SPATA16: variants seen among roughly 807,000 people sequenced by gnomAD.
The protein encoded by SPATA16 is spermatogenesis-associated protein 16.
SPATA16 carries 36 observed loss-of-function variants against 63.3 expected under a neutral mutation model. That is an observed-to-expected ratio of 0.57 (90% CI 0.44 to 0.75). The LOEUF (loss-of-function observed/expected upper bound fraction) is 0.75, where lower values mean the gene tolerates loss of function less well. Among genes scored for constraint, SPATA16 ranks in the 30% least tolerant of loss-of-function variants. The pLI, the probability that SPATA16 is intolerant of heterozygous loss-of-function variation, is 0.00. For synonymous variants in SPATA16, 203 were observed against 216.7 expected (o/e 0.94, Z 0.56); for missense variants, 646 against 679.3 (o/e 0.95, Z 0.54).
At chr3:172,940,922 G>T (rs2109601743) in intron 6 of SPATA16, among the ~76,000 whole-genome samples, 1 of 152,286 alleles carries the variant, frequency 6.6e-6, no homozygotes, top group East Asian at 1.9e-4. Context: ...GGCGGAGGTT[G>T]CAGTGAGCCG....
At chr3:172,903,867 CAA>C (rs1732178988) in intron 10 of SPATA16, among the ~76,000 whole-genome samples, 1 of 152,172 alleles carries the variant, frequency 6.6e-6, no homozygotes, top group Non-Finnish European at 1.5e-5. Context: ...TAGTGACAGA[CAA>C]AGGATTCCCT....
intron 4 of SPATA16, among the ~76,000 whole-genome samples, chr3:173,003,945 G>A (rs1199927405): frequency 6.6e-6 from 1 of 152,176 alleles, no homozygotes; most frequent in Non-Finnish European, 1.5e-5. Context: ...GAAATTGAAA[G>A]TCAAAGAGCT....
At chr3:173,076,801 C>A (rs1008864614) in intron 2 of SPATA16, among the ~76,000 whole-genome samples, 3 of 152,012 alleles carry the variant, frequency 2.0e-5, no homozygotes, top group African/African-American at 7.2e-5. Context: ...TATCACTGTA[C>A]CCTAAAGTTA....
chr3:173,094,754 C>T (rs113174271), intron 2 of SPATA16, among the ~76,000 whole-genome samples: 3,074 of 142,370 alleles, frequency 0.022, 52 homozygotes, highest in Non-Finnish European at 0.028. Context: ...GTAATGGAGA[C>T]GGAAGGACCT....
intron 5 of SPATA16, among the ~76,000 whole-genome samples, chr3:172,966,276 T>C (rs1733918092): frequency 6.6e-6 from 1 of 152,244 alleles, no homozygotes; most frequent in Admixed American, 6.5e-5. Context: ...ATCTCTGATT[T>C]GCATCTTATA....
intron 8 of SPATA16, among the ~76,000 whole-genome samples, chr3:172,923,152 G>A (rs1007181703): frequency 1.3e-5 from 2 of 152,096 alleles, no homozygotes; most frequent in African/African-American, 4.8e-5. Flanking sequence ...ATGTGTGTGG[G>A]TCTTTAGGTT....
At chr3:173,006,200 A>G (rs1295167214) in intron 4 of SPATA16, among the ~76,000 whole-genome samples, 1 of 152,194 alleles carries the variant, frequency 6.6e-6, no homozygotes, top group African/African-American at 2.4e-5. Flanking sequence ...TAGCATTCAT[A>G]CAGCTTTATG....
intron 3 of SPATA16, among the ~76,000 whole-genome samples, chr3:173,039,546 C>T (rs1250248715): frequency 6.6e-6 from 1 of 152,104 alleles, no homozygotes; most frequent in African/African-American, 2.4e-5. Flanking sequence ...CCATTATGCT[C>T]ATATATTGTT....
At chr3:172,960,447 T>G (rs964792814) in intron 5 of SPATA16, among the ~76,000 whole-genome samples, 12 of 152,374 alleles carry the variant, frequency 7.9e-5, no homozygotes, top group Middle Eastern at 3.4e-3. Flanking sequence ...AATAACTCTC[T>G]TTTGTTACTC....
chr3:173,114,380 G>A (rs1737835985), intron 2 of SPATA16, among the ~76,000 whole-genome samples: 1 of 152,028 alleles, frequency 6.6e-6, no homozygotes, highest in African/African-American at 2.4e-5. Context: ...ATTAAATTTT[G>A]GTTAATGGGA....
chr3:172,901,845 C>G (rs1421644527), intron 10 of SPATA16, among the ~76,000 whole-genome samples: 1 of 152,152 alleles, frequency 6.6e-6, no homozygotes, highest in Non-Finnish European at 1.5e-5. Context: ...ACTGACACAA[C>G]ATTGTGGGAG....
intron 4 of SPATA16, among the ~76,000 whole-genome samples, chr3:173,018,449 T>A (rs545845931): frequency 2.6e-5 from 4 of 152,000 alleles, no homozygotes; most frequent in African/African-American, 4.8e-5. Context: ...TAATTTTTTG[T>A]GTTTTCAGTA....
Position 173,019,578 on chromosome 3 carries a change from G to A in SPATA16, c.759-3C>T. The A allele has an allele frequency of 6.2e-7, 1 of 1,613,066 alleles. No homozygotes were observed. Among genetic ancestry groups the A allele is most frequent in the Non-Finnish European group, 8.5e-7 (1 of 1,179,266 alleles). ...AGGCTGGGTTTAAAACAATGCTCCTGTAAAAAGGTAAAAGAAATGCAAATG... is the reference window on the plus strand; with the variant it reads ...AGGCTGGGTTTAAAACAATGCTCCTATAAAAAGGTAAAAGAAATGCAAATG... On this transcript the variant is annotated splice_region_variant and splice_polypyrimidine_tract_variant and intron_variant, in intron 3 of 10. Coordinates refer to ENST00000351008, the MANE Select transcript of SPATA16 (RefSeq NM_031955.6).
intron 4 of SPATA16, among the ~76,000 whole-genome samples, chr3:172,981,688 T>C (rs1734323736): frequency 6.6e-6 from 1 of 152,244 alleles, no homozygotes. Flanking sequence ...CCCTCACTTG[T>C]ACTTTTTCCA....
chr3:172,951,300 G>T (rs1165861248), intron 6 of SPATA16, among the ~76,000 whole-genome samples: 1 of 151,946 alleles, frequency 6.6e-6, no homozygotes, highest in African/African-American at 2.4e-5. Context: ...AACAGAAAAG[G>T]ATGCACAGTA....
intron 2 of SPATA16, among the ~76,000 whole-genome samples, chr3:173,093,953 C>A (rs1737287754): frequency 6.6e-6 from 1 of 152,058 alleles, no homozygotes; most frequent in African/African-American, 2.4e-5. Context: ...ATTTGGAGTG[C>A]TATGGAGCAC....
intron 2 of SPATA16, among the ~76,000 whole-genome samples, chr3:173,108,415 G>A (rs1458777427): frequency 6.6e-6 from 1 of 151,916 alleles, no homozygotes; most frequent in Non-Finnish European, 1.5e-5. Flanking sequence ...GTCACATATG[G>A]GTTAAAACCT....
chr3:173,111,167 G>T (rs764838929), intron 2 of SPATA16, among the ~76,000 whole-genome samples: 4 of 152,102 alleles, frequency 2.6e-5, no homozygotes, highest in Non-Finnish European at 5.9e-5. Context: ...GCAAAATGGG[G>T]TGATAATATC....
chr3:172,989,269 T>C (rs1226509035), intron 4 of SPATA16, among the ~76,000 whole-genome samples: 1 of 152,180 alleles, frequency 6.6e-6, no homozygotes. Flanking sequence ...GATAAGTAGG[T>C]AATTTCAGGG....
Sources: gnomAD v4.1 joint callset for allele counts (sites outside exome capture counted in the v4.1 genomes callset) on GRCh38, gnomAD v4.1.1 for gene constraint, MANE v1.5 for transcripts, NCBI Gene and HGNC (gene_info 2026-07-23, HGNC 2026-07-21) for gene names.